The following FTCDNL1 variants were observed in gnomAD, a reference collection of about 807,000 sequenced individuals.
The protein encoded by FTCDNL1 is formiminotransferase N-terminal subdomain-containing protein.
In FTCDNL1, 11 loss-of-function variants were observed where a neutral mutation model predicts 5.9. The observed-to-expected ratio is 1.87, with a 90% CI of 1.18 to 3.10. FTCDNL1 has a LOEUF of 3.10. Among genes scored for constraint, FTCDNL1 ranks in the 30% most tolerant of loss-of-function variants. The pLI, the probability that FTCDNL1 is intolerant of heterozygous loss-of-function variation, is 0.00. For synonymous variants in FTCDNL1, 58 were observed against 24.8 expected (o/e 2.34, Z -3.99); for missense variants, 115 against 65.5 (o/e 1.76, Z -2.61).
the FTCDNL1 span, among the ~76,000 whole-genome samples, chr2:199,723,841 T>C: frequency 1.3e-5 from 2 of 152,090 alleles, no homozygotes; most frequent in South Asian, 2.1e-4. Flanking sequence ...TGGCGTGAAG[T>C]TTTCTTTTTT....
rs552940862 is a variant in FTCDNL1, at chr2:199,796,837, A to G, written c.212-36002T>C. On this transcript the variant is annotated intron_variant, in intron 3 of 3. Coordinates refer to the FTCDNL1 transcript ENST00000416668. ...CTCAGAAAACAAGTAGTAAATATTT[A>G]ATAGTCTTTTAAATATGTGTAACCC... Among the ~76,000 whole-genome samples the G allele has an allele frequency of 3.9e-5, 6 of 152,288 alleles. 1 individual carries two copies. In the East Asian group the frequency reaches 1.2e-3, roughly 29 times the overall value.
the FTCDNL1 span, among the ~76,000 whole-genome samples, chr2:199,726,853 C>A: frequency 6.6e-6 from 1 of 152,176 alleles, no homozygotes; most frequent in South Asian, 2.1e-4. Flanking sequence ...AGGTGTTTGA[C>A]AACCTCTATT....
the FTCDNL1 span, among the ~76,000 whole-genome samples, chr2:199,750,718 C>G: frequency 6.6e-6 from 1 of 152,206 alleles, no homozygotes; most frequent in East Asian, 1.9e-4. Context: ...GGCTTTCCAC[C>G]GGGCGGACTC....
rs1027240770 is a variant in FTCDNL1, at chr2:199,812,662, C to T, written c.*43G>A. ...CTGCTCTGGTGGCAGCACGGATCCC[C>T]TCACTGCAAGGCTGAAATTCCAATT... On this transcript the variant is annotated 3_prime_UTR_variant, in exon 5 of 5. Transcript: ENST00000420128. 2.9e-6 allele frequency: 2 copies of T among 694,838 alleles called. No individual in the cohort carries two copies. Among genetic ancestry groups the T allele is most frequent in the African/African-American group, 3.5e-5 (2 of 56,846 alleles). 43.0% of individuals were successfully genotyped at this position (694,838 alleles called of 1,614,324 possible). A position where few individuals can be genotyped will look rare whatever the true frequency, so the allele number is the denominator to read the frequency against.
At chr2:199,764,692 C>A in intron 3 of FTCDNL1, among the ~76,000 whole-genome samples, 1 of 152,166 alleles carries the variant, frequency 6.6e-6, no homozygotes, top group East Asian at 1.9e-4. Context: ...AATCGGAGGA[C>A]TCTGGCCTTT....
intron 3 of FTCDNL1, among the ~76,000 whole-genome samples, chr2:199,833,209 C>G (rs1411714423): frequency 6.6e-6 from 1 of 152,140 alleles, no homozygotes; most frequent in Non-Finnish European, 1.5e-5. Context: ...TGAGCTCAAG[C>G]AATCCACCTG....
chr2:199,765,550 A>ATTTTT (rs1195071962), intron 3 of FTCDNL1, among the ~76,000 whole-genome samples: 7 of 52,978 alleles, frequency 1.3e-4, no homozygotes, highest in Admixed American at 2.5e-4. Flanking sequence ...ATATATATAT[A>ATTTTT]TATATATTTT....
the FTCDNL1 span, among the ~76,000 whole-genome samples, chr2:199,709,896 T>C: frequency 6.6e-6 from 1 of 152,192 alleles, no homozygotes; most frequent in Non-Finnish European, 1.5e-5. Context: ...ACCTCTTTTG[T>C]AGCCATAATT....
chr2:199,826,270 G>A (rs1429577091), intron 3 of FTCDNL1, among the ~76,000 whole-genome samples: 1 of 152,170 alleles, frequency 6.6e-6, no homozygotes, highest in African/African-American at 2.4e-5. Context: ...AGATTCAAGG[G>A]CAGGGGTGCA....
chr2:199,832,131 T>C (rs1702412408), intron 3 of FTCDNL1, among the ~76,000 whole-genome samples: 1 of 152,208 alleles, frequency 6.6e-6, no homozygotes, highest in African/African-American at 2.4e-5. Flanking sequence ...TATAGTTTCA[T>C]AGAGATATGT....
At chr2:199,705,338 C>A in the FTCDNL1 span, among the ~76,000 whole-genome samples, 2 of 152,130 alleles carry the variant, frequency 1.3e-5, no homozygotes, top group Non-Finnish European at 2.9e-5. Context: ...TTTCAGATAG[C>A]TTCTAAATGT....
Position 199,850,949 on chromosome 2 carries a change from A to C in FTCDNL1, c.-217T>G, listed in dbSNP as rs1383757194. On this transcript the variant is annotated 5_prime_UTR_variant, in exon 1 of 5. Transcript: ENST00000420128. The stretch of plus-strand genomic sequence containing the variant: ...CCCCACAGGTCTCGCGGGACGCAGC[A>C]GCGGCGAGGGCGCGGGGTTGTGGCG... 6.6e-6 allele frequency: 1 copy of C among 152,180 alleles called. No individual in the cohort carries two copies. The highest frequency in any genetic ancestry group is 1.5e-5 in the Non-Finnish European group (1 of 68,068). 9.4% of individuals were successfully genotyped at this position (152,180 alleles called of 1,614,324 possible). A position where few individuals can be genotyped will look rare whatever the true frequency, so the allele number is the denominator to read the frequency against.
rs1156855065 is a variant in FTCDNL1, at chr2:199,809,389, C to G, written c.*3316G>C. ...TACAGGAATGAGCCACCACACCCAG[C>G]CAAACTCTTTATTTTTAATTCCTTA... On this transcript the variant is annotated 3_prime_UTR_variant, in exon 5 of 5. Transcript: ENST00000420128. 1.3e-5 allele frequency among the ~76,000 whole-genome samples: 2 copies of G among 152,014 alleles called. No individual in the cohort carries two copies. The highest frequency in any genetic ancestry group is 2.9e-5 in the Non-Finnish European group (2 of 67,992).
intron 3 of FTCDNL1, among the ~76,000 whole-genome samples, chr2:199,836,483 T>C (rs1158191779): frequency 2.0e-5 from 3 of 152,112 alleles, no homozygotes; most frequent in Non-Finnish European, 2.9e-5. Flanking sequence ...CTTGTCAATA[T>C]TTCAATAAAC....
intron 4 of FTCDNL1, among the ~76,000 whole-genome samples, chr2:199,817,125 T>C (rs181888664): frequency 2.6e-5 from 4 of 152,326 alleles, no homozygotes; most frequent in Admixed American, 6.5e-5. Context: ...TAGCAAACAT[T>C]TCCATTATTT....
chr2:199,800,627 CT>C (rs1425023953), intron 3 of FTCDNL1, among the ~76,000 whole-genome samples: 1 of 152,168 alleles, frequency 6.6e-6, no homozygotes, highest in Non-Finnish European at 1.5e-5. Flanking sequence ...TATGGCTACT[CT>C]TTTGTCACCT....
the FTCDNL1 span, among the ~76,000 whole-genome samples, chr2:199,746,160 G>A: frequency 6.6e-6 from 1 of 152,102 alleles, no homozygotes; most frequent in South Asian, 2.1e-4. Flanking sequence ...TGTTAAAGCA[G>A]GAGAATTTCT....
At position 199,842,031 on chromosome 2, in the gene FTCDNL1, G is replaced by A. The variant is rs567406635; in HGVS notation, c.211+4044C>T. Among the ~76,000 whole-genome samples, 144 of 152,204 alleles carry A rather than the reference G, an allele frequency of 9.5e-4. 1 individual carries two copies. Among genetic ancestry groups the A allele is most frequent in the Non-Finnish European group, 1.5e-3 (101 of 68,008 alleles). On this transcript the variant is annotated intron_variant, in intron 3 of 4. Transcript: ENST00000420128. ...CCCAGCACTTTGGGAGGCCGAGGCC[G>A]GCAGATTGCTTGAGGTCAGGAGTTC... is the stretch of plus-strand genomic sequence containing the variant.
downstream of FTCDNL1, among the ~76,000 whole-genome samples, chr2:199,759,876 C>A (rs1342226099): frequency 6.6e-6 from 1 of 152,140 alleles, no homozygotes; most frequent in African/African-American, 2.4e-5. Flanking sequence ...AACAACATGG[C>A]CACACCATCC....
Sources: gnomAD v4.1 joint callset for allele counts (sites outside exome capture counted in the v4.1 genomes callset) on GRCh38, gnomAD v4.1.1 for gene constraint, MANE v1.5 for transcripts, NCBI Gene and HGNC (gene_info 2026-07-23, HGNC 2026-07-21) for gene names.